CNTN5: variants seen among roughly 807,000 people sequenced by gnomAD.
CNTN5 encodes contactin 5, also known as contactin-5.
Under a neutral mutation model 129.1 loss-of-function variants are expected in CNTN5, and 77 were observed. That is an observed-to-expected ratio of 0.60 (90% CI 0.50 to 0.72). The LOEUF is 0.72. Ranked by LOEUF, CNTN5 falls within the 30% of genes least tolerant of loss-of-function variation. The pLI is 0.00. For missense variants in CNTN5, 1,478 were observed against 1,328.8 expected (o/e 1.11, Z -1.75); for synonymous variants, 509 against 465.6 (o/e 1.09, Z -1.20).
At chr11:99,218,675 C>T (rs566983331) in intron 1 of CNTN5, among the ~76,000 whole-genome samples, 2 of 152,214 alleles carry the variant, frequency 1.3e-5, no homozygotes, top group African/African-American at 4.8e-5. Context: ...TTCACAAATA[C>T]CTATTTTACT....
At chr11:99,084,569 A>G (rs1865924119) in intron 1 of CNTN5, among the ~76,000 whole-genome samples, 2 of 152,162 alleles carry the variant, frequency 1.3e-5, no homozygotes, top group South Asian at 4.1e-4. Flanking sequence ...TTGTTTTTTA[A>G]TTAAATTTAT....
chr11:99,277,681 A>G (rs751898667), intron 1 of CNTN5, among the ~76,000 whole-genome samples: 3 of 151,708 alleles, frequency 2.0e-5, no homozygotes, highest in East Asian at 1.9e-4. Flanking sequence ...CTAGTCAAAG[A>G]GGAAATCCTG....
intron 13 of CNTN5, among the ~76,000 whole-genome samples, chr11:100,077,872 T>TA (rs1360981870): frequency 7.3e-5 from 11 of 151,502 alleles, no homozygotes; most frequent in Admixed American, 3.3e-4. Flanking sequence ...AAGAAATATT[T>TA]AAAAAAACAA....
chr11:100,031,702 G>A (rs1056231405), intron 9 of CNTN5, among the ~76,000 whole-genome samples: 1 of 152,124 alleles, frequency 6.6e-6, no homozygotes, highest in Non-Finnish European at 1.5e-5. Flanking sequence ...GACTGTTTCT[G>A]TTTTAAGGCT....
chr11:99,907,419 A>G (rs1949538250), intron 6 of CNTN5, among the ~76,000 whole-genome samples: 1 of 151,988 alleles, frequency 6.6e-6, no homozygotes, highest in Admixed American at 6.6e-5. Context: ...TTTTTACATT[A>G]TAGTCTTTTC....
chr11:100,118,180 C>T (rs1408795670), intron 13 of CNTN5, among the ~76,000 whole-genome samples: 1 of 151,728 alleles, frequency 6.6e-6, no homozygotes, highest in Non-Finnish European at 1.5e-5. Context: ...TTGAGTATAT[C>T]ATGTGCTTTT....
intron 1 of CNTN5, among the ~76,000 whole-genome samples, chr11:99,097,334 GAGA>G (rs1866519119): frequency 6.6e-6 from 1 of 151,808 alleles, no homozygotes; most frequent in Non-Finnish European, 1.5e-5. Flanking sequence ...CACTGGAAAA[GAGA>G]AGAACAAGCA....
intron 13 of CNTN5, among the ~76,000 whole-genome samples, chr11:100,104,119 G>A (rs1009701644): frequency 1.5e-5 from 2 of 137,788 alleles, no homozygotes; most frequent in Admixed American, 7.8e-5. Flanking sequence ...TTTTGAGGCA[G>A]AGTCTTTCTC....
At chr11:99,763,813 T>C (rs1944663772) in intron 3 of CNTN5, among the ~76,000 whole-genome samples, 2 of 151,932 alleles carry the variant, frequency 1.3e-5, no homozygotes, top group Non-Finnish European at 2.9e-5. Flanking sequence ...TGTAGAGAAA[T>C]AGAACAACCG....
At chr11:99,119,371 T>C (rs889937804) in intron 1 of CNTN5, among the ~76,000 whole-genome samples, 4 of 152,182 alleles carry the variant, frequency 2.6e-5, no homozygotes, top group African/African-American at 7.2e-5. Flanking sequence ...CTCCCACTTA[T>C]AAAATGAGAA....
chr11:99,749,043 C>A (rs1404370055), intron 3 of CNTN5, among the ~76,000 whole-genome samples: 1 of 152,196 alleles, frequency 6.6e-6, no homozygotes, highest in Non-Finnish European at 1.5e-5. Flanking sequence ...ATTCACCTTG[C>A]TTATCATTAG....
chr11:100,100,710 G>C (rs532301633), intron 13 of CNTN5, among the ~76,000 whole-genome samples: 1 of 152,174 alleles, frequency 6.6e-6, no homozygotes, highest in African/African-American at 2.4e-5. Flanking sequence ...CGTCTTCTTG[G>C]CTCGTATTAC....
intron 9 of CNTN5, among the ~76,000 whole-genome samples, chr11:100,022,637 G>T (rs941878227): frequency 3.3e-5 from 5 of 152,064 alleles, no homozygotes; most frequent in African/African-American, 1.2e-4. Context: ...CAAATTCTTT[G>T]TTTAGATAAC....
At chr11:100,275,096 C>CA (rs386374656) in intron 18 of CNTN5, among the ~76,000 whole-genome samples, 120,519 of 148,922 alleles carry the variant, frequency 0.81, 49,057 homozygotes, top group East Asian at 0.94. Context: ...ATTAAACAAC[C>CA]AAAAAAAAAA....
intron 3 of CNTN5, among the ~76,000 whole-genome samples, chr11:99,690,268 A>C (rs1257282185): frequency 1.3e-5 from 2 of 152,144 alleles, no homozygotes; most frequent in Middle Eastern, 3.4e-3. Context: ...TGGGTTCTCT[A>C]TTCTGTTCCA....
intron 4 of CNTN5, among the ~76,000 whole-genome samples, chr11:99,844,256 C>A (rs146880406): frequency 6.6e-6 from 1 of 152,166 alleles, no homozygotes; most frequent in African/African-American, 2.4e-5. Context: ...TAAAGTTTTG[C>A]CATTTTAATT....
At chr11:100,264,827 G>A (rs1007805748) in intron 17 of CNTN5, among the ~76,000 whole-genome samples, 1 of 152,092 alleles carries the variant, frequency 6.6e-6, no homozygotes, top group Non-Finnish European at 1.5e-5. Context: ...CCCAAGGGTC[G>A]AGCTAATTTA....
chr11:99,573,115 T>C (rs1010552702), intron 3 of CNTN5, among the ~76,000 whole-genome samples: 17 of 152,126 alleles, frequency 1.1e-4, no homozygotes, highest in African/African-American at 4.1e-4. Flanking sequence ...AGAATCAGTT[T>C]TAAAATGAAG....
chr11:100,150,163 G>T (rs528039774), intron 13 of CNTN5, among the ~76,000 whole-genome samples: 2 of 152,018 alleles, frequency 1.3e-5, no homozygotes, highest in Non-Finnish European at 2.9e-5. Context: ...TGCATATCAG[G>T]TAATTTATCA....
Sources: gnomAD v4.1 joint callset for allele counts (sites outside exome capture counted in the v4.1 genomes callset) on GRCh38, gnomAD v4.1.1 for gene constraint, MANE v1.5 for transcripts, NCBI Gene and HGNC (gene_info 2026-07-23, HGNC 2026-07-21) for gene names.